TNC: variants seen among roughly 807,000 people sequenced by gnomAD.
TNC encodes tenascin C, also known as tenascin.
Under a neutral mutation model 202.4 loss-of-function variants are expected in TNC, and 109 were observed. The observed-to-expected ratio is 0.54, with a 90% CI of 0.46 to 0.63. The LOEUF (loss-of-function observed/expected upper bound fraction) is 0.63. TNC is among the 30% of genes least tolerant of loss of function. The pLI is 0.00. For synonymous variants in TNC, 1,007 were observed against 1,089.7 expected (o/e 0.92, Z 1.50); for missense variants, 2,756 against 2,833.3 (o/e 0.97, Z 0.62).
intron 14 of TNC, among the ~76,000 whole-genome samples, chr9:115,058,538 C>T (rs1312891916): frequency 6.6e-6 from 1 of 152,114 alleles, no homozygotes; most frequent in Non-Finnish European, 1.5e-5. Flanking sequence ...AAAGGAGGTC[C>T]GGGTGCCTTC....
intron 15 of TNC, among the ~76,000 whole-genome samples, chr9:115,053,877 C>T (rs1831895647): frequency 6.6e-6 from 1 of 152,162 alleles, no homozygotes; most frequent in Middle Eastern, 3.2e-3. Context: ...GCTTAGGAAA[C>T]TCAATTATTG....
chr9:115,029,530 G>A, intron 24 of TNC, 74 bp from the exon 25 acceptor site: 1 of 1,405,200 alleles, frequency 7.1e-7, no homozygotes, highest in Non-Finnish European at 1.0e-6. Flanking sequence ...AGAGGAAGGA[G>A]TGTGGCACTG....
At chr9:115,084,148 G>A (rs1482819483) in intron 4 of TNC, 61 bp downstream of exon 4, 3 of 1,564,866 alleles carry the variant, frequency 1.9e-6, no homozygotes, top group Non-Finnish European at 2.6e-6. Flanking sequence ...GGCGAGGGAG[G>A]GTTATACACT....
intron 1 of TNC, among the ~76,000 whole-genome samples, chr9:115,097,107 A>G (rs1835854242): frequency 6.6e-6 from 1 of 152,226 alleles, no homozygotes; most frequent in African/African-American, 2.4e-5. Context: ...TCCATTAATG[A>G]AGCAGTTGCG....
rs778194616 is a variant in TNC, at chr9:115,064,911, G to A, written c.3223C>T (p.Pro1075Ser). ...GTCACGGTGAGGTTTTCCAGCTCAGGGGCTTGTTCTGAATAATGACAGAGA... is the reference window on the plus strand; with the variant it reads ...GTCACGGTGAGGTTTTCCAGCTCAGAGGCTTGTTCTGAATAATGACAGAGA... Reference protein sequence around the residue: ...ARVKASTEQAPELENLTVTEV... With the variant: ...ARVKASTEQASELENLTVTEV... The change falls in exon 11 of 28, where the codon CCT becomes TCT. Residue 1075 changes from proline to serine, a missense_variant. Pro to Ser is a moderately conservative substitution (Grantham distance 74). Transcript: ENST00000350763. 3.1e-6 allele frequency: 5 copies of A among 1,613,544 alleles called. No individual in the cohort carries two copies. The highest frequency in any genetic ancestry group is 4.2e-6 in the Non-Finnish European group (5 of 1,179,674).
chr9:115,107,992 G>T (rs541846653), intron 1 of TNC, among the ~76,000 whole-genome samples: 1 of 152,212 alleles, frequency 6.6e-6, no homozygotes, highest in East Asian at 1.9e-4. Flanking sequence ...TATTAGCCTT[G>T]GGTAGATATT....
At chr9:115,093,558 G>A (rs1164810863) in intron 1 of TNC, among the ~76,000 whole-genome samples, 1 of 151,102 alleles carries the variant, frequency 6.6e-6, no homozygotes, top group Non-Finnish European at 1.5e-5. Context: ...TAGAATGGCT[G>A]CTCTAACTCT....
intron 17 of TNC, among the ~76,000 whole-genome samples, chr9:115,046,149 G>T (rs1014057115): frequency 6.6e-6 from 1 of 152,094 alleles, no homozygotes; most frequent in Non-Finnish European, 1.5e-5. Context: ...CTGGGCCCTT[G>T]CTACCTGCCA....
chr9:115,091,548 A>C (rs1835236201), intron 1 of TNC, among the ~76,000 whole-genome samples: 1 of 152,200 alleles, frequency 6.6e-6, no homozygotes, highest in Non-Finnish European at 1.5e-5. Context: ...ATGATGTAGA[A>C]GTTATTTGTG....
intron 1 of TNC, among the ~76,000 whole-genome samples, chr9:115,111,022 G>T (rs1020289836): frequency 4.6e-5 from 7 of 152,062 alleles, no homozygotes; most frequent in Non-Finnish European, 1.5e-5. Context: ...TGGGACTACA[G>T]GTGCCCGCCA....
At chr9:115,038,150 A>G (rs1200907683) in intron 20 of TNC, 111 bp downstream of exon 20, 6 of 1,419,128 alleles carry the variant, frequency 4.2e-6, no homozygotes, top group Non-Finnish European at 5.7e-6. Flanking sequence ...CAACCTACCC[A>G]TGCATTTTTA....
intron 25 of TNC, among the ~76,000 whole-genome samples, chr9:115,028,910 T>C (rs1829716013): frequency 9.6e-6 from 1 of 104,370 alleles, no homozygotes; most frequent in African/African-American, 3.7e-5. Flanking sequence ...ACTAAAGCTC[T>C]CAACATTATC....
intron 1 of TNC, among the ~76,000 whole-genome samples, chr9:115,094,743 G>A (rs1325848176): frequency 6.6e-6 from 1 of 151,988 alleles, no homozygotes; most frequent in African/African-American, 2.4e-5. Context: ...GTGGGTCAGG[G>A]TTACCATGTA....
Position 115,057,144 on chromosome 9 carries a change from C to A in TNC, c.4579+9G>T, listed in dbSNP as rs780079113. The stretch of plus-strand genomic sequence containing the variant: ...AGAGTGCGTTAGAAATGGGAGAATG[C>A]ACATGTACCTGTCGTGGCTGTGGCA... On this transcript the variant is annotated intron_variant, in intron 15 of 27. Coordinates refer to ENST00000350763, the MANE Select transcript of TNC (RefSeq NM_002160.4). 3 of 1,606,146 alleles carry A rather than the reference C, an allele frequency of 1.9e-6. No individual in the cohort carries two copies. The highest frequency in any genetic ancestry group is 1.7e-6 in the Non-Finnish European group (2 of 1,175,828).
Position 115,086,866 on chromosome 9 carries a change from A to G in TNC, c.865T>C (p.Tyr289His). The G allele has an allele frequency of 1.9e-6, 3 of 1,613,976 alleles. No individual in the cohort carries two copies. The highest frequency in any genetic ancestry group is 2.5e-6 in the Non-Finnish European group (3 of 1,180,014). The change falls in exon 3 of 28, where the codon TAC becomes CAC. Residue 289 changes from tyrosine to histidine, a missense_variant. Transcript: ENST00000350763. Reference protein sequence around the residue: ...CNKPLCLNNCYNRGRCVENEC... With the variant: ...CNKPLCLNNCHNRGRCVENEC... ...TTCTCCACGCATCGTCCACGGTTGTAGCAATTGTTGAGACACAGAGGCTTG... is the reference window on the plus strand; with the variant it reads ...TTCTCCACGCATCGTCCACGGTTGTGGCAATTGTTGAGACACAGAGGCTTG...
At chr9:115,025,766 C>G (rs1183876080) in intron 26 of TNC, among the ~76,000 whole-genome samples, 1 of 152,174 alleles carries the variant, frequency 6.6e-6, no homozygotes, top group Non-Finnish European at 1.5e-5. Context: ...GAGGATGGTA[C>G]CTAGTAGGGC....
chr9:115,100,528 C>G (rs1014970609), intron 1 of TNC, among the ~76,000 whole-genome samples: 2 of 152,166 alleles, frequency 1.3e-5, no homozygotes, highest in African/African-American at 4.8e-5. Context: ...TCAGTGGTGA[C>G]TTTACTAATT....
chr9:115,063,363 GT>G (rs1832700626), intron 12 of TNC, among the ~76,000 whole-genome samples, 174 bp from the exon 13 acceptor site: 1 of 152,152 alleles, frequency 6.6e-6, no homozygotes, highest in African/African-American at 2.4e-5. Flanking sequence ...TAAAGCCAGG[GT>G]TTTTCTATTC....
chr9:115,024,645 C>G (rs1208629713), intron 26 of TNC, among the ~76,000 whole-genome samples: 1 of 152,132 alleles, frequency 6.6e-6, no homozygotes, highest in Non-Finnish European at 1.5e-5. Context: ...TTAATAATGG[C>G]ATGCTTTTCT....
Sources: allele counts gnomAD v4.1 joint callset (sites outside exome capture counted in the v4.1 genomes callset), GRCh38; gene constraint gnomAD v4.1.1; transcripts MANE v1.5; gene names NCBI Gene and HGNC (gene_info 2026-07-23, HGNC 2026-07-21).